The following NSMCE2 variants were observed in gnomAD, a reference collection of about 807,000 sequenced individuals.
NSMCE2 encodes E3 SUMO-protein ligase NSE2.
A neutral mutation model predicts 23.8 loss-of-function variants in NSMCE2; 24 were observed. The observed-to-expected ratio is 1.01, with a 90% CI of 0.73 to 1.42. The LOEUF (loss-of-function observed/expected upper bound fraction) is 1.42. Among genes scored for constraint, NSMCE2 ranks in the 40% most tolerant of loss-of-function variants. The pLI, the probability that NSMCE2 is intolerant of heterozygous loss-of-function variation, is 0.00. For synonymous variants in NSMCE2, 92 were observed against 94.1 expected (o/e 0.98, Z 0.13); for missense variants, 284 against 296.5 (o/e 0.96, Z 0.31).
chr8:125,203,339 A>G (rs549845385), intron 5 of NSMCE2, among the ~76,000 whole-genome samples: 1 of 152,256 alleles, frequency 6.6e-6, no homozygotes, highest in East Asian at 1.9e-4. Flanking sequence ...TGGACCTTGC[A>G]TAACTAATAT....
intron 5 of NSMCE2, among the ~76,000 whole-genome samples, chr8:125,320,910 G>T (rs1037891150): frequency 6.6e-6 from 1 of 152,156 alleles, no homozygotes; most frequent in Admixed American, 6.5e-5. Context: ...CAGCTTCTGC[G>T]GAGGCCTCAG....
At chr8:125,182,948 A>T (rs1288115121) in intron 5 of NSMCE2, among the ~76,000 whole-genome samples, 1 of 152,204 alleles carries the variant, frequency 6.6e-6, no homozygotes, top group Non-Finnish European at 1.5e-5. Flanking sequence ...CCATTCTTCC[A>T]TATGGTCCAC....
intron 5 of NSMCE2, among the ~76,000 whole-genome samples, chr8:125,281,501 A>C (rs2131127593): frequency 6.6e-6 from 1 of 151,964 alleles, no homozygotes; most frequent in Admixed American, 6.6e-5. Flanking sequence ...GTGCAGTGGC[A>C]CAATCTCGGC....
chr8:125,348,051 T>C (rs1812852296), intron 5 of NSMCE2: 1 of 152,244 alleles, frequency 6.6e-6, no homozygotes. Context: ...GTATCTTGTA[T>C]ATGCATGACC....
chr8:125,187,272 C>G (rs1823149218), intron 5 of NSMCE2, among the ~76,000 whole-genome samples: 1 of 152,202 alleles, frequency 6.6e-6, no homozygotes, highest in Non-Finnish European at 1.5e-5. Context: ...TTCTACACTT[C>G]TAGACAAGAT....
intron 5 of NSMCE2, among the ~76,000 whole-genome samples, chr8:125,205,105 T>C (rs1263316520): frequency 1.3e-5 from 2 of 152,214 alleles, no homozygotes; most frequent in Non-Finnish European, 2.9e-5. Context: ...CTTTCACTCT[T>C]GCTGATCTCT....
chr8:125,095,797 G>A (rs2130309046), intron 1 of NSMCE2, among the ~76,000 whole-genome samples: 1 of 147,596 alleles, frequency 6.8e-6, no homozygotes. Flanking sequence ...CAAGAGAATT[G>A]CATGAACCTG....
chr8:125,324,719 C>T lies in NSMCE2; in HGVS notation c.419-32500C>T, dbSNP rs1476972939. Among the ~76,000 whole-genome samples, 3 of 104,238 alleles carry T rather than the reference C, an allele frequency of 2.9e-5. 1 individual carries two copies. Among genetic ancestry groups the T allele is most frequent in the Non-Finnish European group, 6.9e-5 (3 of 43,442 alleles). 68.4% of individuals were successfully genotyped at this position (104,238 alleles called of 152,430 possible). ...CCTCCCGAGTAGCTGGGACTACAGG[C>T]GCCCGCCACTACGCCCGGCTAATTT... On this transcript the variant is annotated intron_variant, in intron 5 of 7. Coordinates refer to ENST00000287437, the MANE Select transcript of NSMCE2 (RefSeq NM_173685.4).
chr8:125,197,809 C>T lies in NSMCE2; in HGVS notation c.418+15553C>T, dbSNP rs190914741. On this transcript the variant is annotated intron_variant, in intron 5 of 7. Coordinates refer to ENST00000287437, the MANE Select transcript of NSMCE2 (RefSeq NM_173685.4). The stretch of plus-strand genomic sequence containing the variant: ...TATGGCCATTTTCACTATATTGATT[C>T]TTCCTATCCATGAGTATGAAATGTT... Among the ~76,000 whole-genome samples, 457 of 152,276 alleles carry T rather than the reference C, an allele frequency of 3.0e-3. 2 individuals carry two copies. The highest frequency in any genetic ancestry group is 0.01 in the African/African-American group (431 of 41,540).
intron 5 of NSMCE2, among the ~76,000 whole-genome samples, chr8:125,246,169 CTT>C (rs1320232028): frequency 6.6e-6 from 1 of 151,818 alleles, no homozygotes; most frequent in African/African-American, 2.4e-5. Context: ...CAAAATGAAT[CTT>C]TTCTTTTTTC....
At chr8:125,189,096 C>T (rs191996203) in intron 5 of NSMCE2, among the ~76,000 whole-genome samples, 16 of 152,326 alleles carry the variant, frequency 1.1e-4, no homozygotes, top group African/African-American at 3.4e-4. Context: ...TTTACTTTGT[C>T]ATAAGGTATA....
chr8:125,331,126 C>T (rs1477212981), intron 5 of NSMCE2, among the ~76,000 whole-genome samples: 3 of 152,002 alleles, frequency 2.0e-5, no homozygotes, highest in African/African-American at 4.8e-5. Context: ...ATGGTGAAAC[C>T]CCGTCTCTAC....
At chr8:125,102,570 T>C in intron 3 of NSMCE2, 83 bp downstream of exon 3, 1 of 1,082,038 alleles carries the variant, frequency 9.2e-7, no homozygotes, top group Non-Finnish European at 1.4e-6. Flanking sequence ...CTTTTGAGTA[T>C]CCTTGGGGGA....
chr8:125,138,301 G>T (rs180887034), intron 3 of NSMCE2, among the ~76,000 whole-genome samples: 187 of 152,236 alleles, frequency 1.2e-3, no homozygotes, highest in African/African-American at 4.3e-3. Flanking sequence ...ATAGCTGACT[G>T]CAGCCTTGAA....
chr8:125,321,179 T>C (rs929095306), intron 5 of NSMCE2, among the ~76,000 whole-genome samples: 22 of 119,604 alleles, frequency 1.8e-4, no homozygotes, highest in African/African-American at 7.1e-4. Context: ...CCATATCAGA[T>C]ACCAAGTGGA....
intron 5 of NSMCE2, among the ~76,000 whole-genome samples, chr8:125,288,955 G>A (rs1218311705): frequency 2.0e-5 from 3 of 152,002 alleles, no homozygotes; most frequent in Non-Finnish European, 4.4e-5. Flanking sequence ...TTACCACCAT[G>A]CCCAGCTAAT....
chr8:125,341,897 GAAAAAAAAAAA>G (rs61204647), intron 5 of NSMCE2, among the ~76,000 whole-genome samples: 3 of 83,242 alleles, frequency 3.6e-5, no homozygotes, highest in Non-Finnish European at 4.6e-5. Context: ...TCTAGAAATG[GAAAAAAAAAAA>G]AAAAAAAAAA....
At chr8:125,313,263 A>G (rs1829048420) in intron 5 of NSMCE2, among the ~76,000 whole-genome samples, 1 of 152,116 alleles carries the variant, frequency 6.6e-6, no homozygotes, top group South Asian at 2.1e-4. Context: ...AGAAGGAAAG[A>G]AAAAAGAAAG....
At chr8:125,235,350 T>C (rs920644739) in intron 5 of NSMCE2, among the ~76,000 whole-genome samples, 2 of 152,194 alleles carry the variant, frequency 1.3e-5, no homozygotes, top group African/African-American at 4.8e-5. Context: ...CTTGAGCATA[T>C]ATTTCTTAAT....
Sources: allele counts gnomAD v4.1 joint callset (sites outside exome capture counted in the v4.1 genomes callset), GRCh38; gene constraint gnomAD v4.1.1; transcripts MANE v1.5; gene names NCBI Gene and HGNC (gene_info 2026-07-23, HGNC 2026-07-21).